Variants in ZNF407 observed in about 807,000 individuals in gnomAD.
ZNF407 encodes zinc finger protein 407.
ZNF407 carries 17 observed loss-of-function variants against 131.2 expected under a neutral mutation model. That is an observed-to-expected ratio of 0.13 (90% CI 0.09 to 0.19). ZNF407 has a LOEUF of 0.19. ZNF407 is among the 10% of genes least tolerant of loss of function. The pLI, the probability that ZNF407 is intolerant of heterozygous loss-of-function variation, is 1.00. For missense variants in ZNF407, 2,681 were observed against 2,830.6 expected, an observed-to-expected ratio of 0.95 and a Z score of 1.20; for synonymous variants, 1,156 against 1,062.0, an observed-to-expected ratio of 1.09 and a Z score of -1.72.
chr18:74,974,619 A>C (rs1199362852), intron 8 of ZNF407, among the ~76,000 whole-genome samples: 1 of 152,200 alleles, frequency 6.6e-6, no homozygotes, highest in African/African-American at 2.4e-5. Context: ...CATAGTGAAA[A>C]CTACCAATGA....
At chr18:74,618,541 G>A (rs1339810664) in intron 1 of ZNF407, among the ~76,000 whole-genome samples, 1 of 152,092 alleles carries the variant, frequency 6.6e-6, no homozygotes, top group African/African-American at 2.4e-5. Flanking sequence ...TTTAGTCTGA[G>A]GGCCTCAATC....
intron 1 of ZNF407, among the ~76,000 whole-genome samples, chr18:74,628,714 T>A (rs2144654826): frequency 6.6e-6 from 1 of 152,246 alleles, no homozygotes; most frequent in South Asian, 2.1e-4. Flanking sequence ...GCTCCGGAGT[T>A]AGGACCACAG....
intron 8 of ZNF407, among the ~76,000 whole-genome samples, chr18:74,993,877 A>G (rs1037766615): frequency 6.6e-6 from 1 of 152,204 alleles, no homozygotes; most frequent in East Asian, 1.9e-4. Context: ...TCATTTAGGA[A>G]CATTCTTCTA....
At chr18:74,688,838 C>CT (rs1967155042) in intron 3 of ZNF407, among the ~76,000 whole-genome samples, 1 of 151,790 alleles carries the variant, frequency 6.6e-6, no homozygotes, top group African/African-American at 2.4e-5. Flanking sequence ...GTATATCTTT[C>CT]TTTTTTTTCA....
intron 2 of ZNF407, among the ~76,000 whole-genome samples, chr18:74,637,335 T>C (rs971621883): frequency 3.3e-5 from 5 of 152,214 alleles, no homozygotes; most frequent in Non-Finnish European, 7.3e-5. Flanking sequence ...CCAGGTTAAG[T>C]GCAGAATGTA....
intron 3 of ZNF407, among the ~76,000 whole-genome samples, chr18:74,642,193 A>G (rs1454178249): frequency 1.3e-5 from 2 of 152,124 alleles, no homozygotes; most frequent in Admixed American, 1.3e-4. Context: ...TTTATGAACC[A>G]TGGTCTGTGG....
intron 3 of ZNF407, among the ~76,000 whole-genome samples, chr18:74,682,666 A>AT (rs1239314835): frequency 1.3e-5 from 2 of 152,066 alleles, no homozygotes; most frequent in Non-Finnish European, 2.9e-5. Context: ...CGGTTTTCTT[A>AT]TTTGATGTAA....
intron 8 of ZNF407, among the ~76,000 whole-genome samples, chr18:74,957,347 C>T (rs1972287911): frequency 6.6e-6 from 1 of 152,158 alleles, no homozygotes; most frequent in African/African-American, 2.4e-5. Context: ...GCAGATGCTT[C>T]ACTCGCGGCC....
At chr18:74,705,120 A>G (rs1025464834) in intron 3 of ZNF407, among the ~76,000 whole-genome samples, 9 of 151,056 alleles carry the variant, frequency 6.0e-5, no homozygotes, top group Non-Finnish European at 1.2e-4. Context: ...TGATAAATAT[A>G]GACATGGTGT....
intron 4 of ZNF407, among the ~76,000 whole-genome samples, chr18:74,851,547 G>T (rs144337684): frequency 1.5e-4 from 23 of 152,232 alleles, no homozygotes; most frequent in African/African-American, 4.8e-4. Context: ...GAGGCTGTGC[G>T]TGAGGTGTGG....
At chr18:74,939,891 T>G (rs2930549) in intron 8 of ZNF407, among the ~76,000 whole-genome samples, 6,443 of 152,310 alleles carry the variant, frequency 0.042, 471 homozygotes, top group African/African-American at 0.14. Flanking sequence ...AACCCAATTT[T>G]GAACCAATTC....
chr18:74,945,166 T>C (rs1321986242), intron 8 of ZNF407, among the ~76,000 whole-genome samples: 2 of 152,194 alleles, frequency 1.3e-5, no homozygotes, highest in Non-Finnish European at 2.9e-5. Context: ...TTTAAGACCC[T>C]GGACTTGTAA....
At chr18:74,904,031 T>G (rs908619217) in intron 7 of ZNF407, among the ~76,000 whole-genome samples, 2 of 152,196 alleles carry the variant, frequency 1.3e-5, no homozygotes, top group African/African-American at 4.8e-5. Context: ...TGTACTGATA[T>G]ATGCCAGACT....
At position 74,769,691 on chromosome 18, in the gene ZNF407, T is replaced by C. The variant is rs71359057; in HGVS notation, c.4803-11737T>C. On this transcript the variant is annotated intron_variant, in intron 3 of 8. Transcript: ENST00000299687. ...CAAGGCCATGTTGGCCTAGACTAGATGCAGGTTTTTGCATGTGGGATGCAA... is the reference window on the plus strand; with the variant it reads ...CAAGGCCATGTTGGCCTAGACTAGACGCAGGTTTTTGCATGTGGGATGCAA... Among the ~76,000 whole-genome samples, 519 of 152,354 alleles carry C rather than the reference T, an allele frequency of 3.4e-3. 2 individuals are homozygous for C. The highest frequency in any genetic ancestry group is 0.01 in the Middle Eastern group (3 of 294).
chr18:75,046,261 A>G (rs1973434310), intron 8 of ZNF407, among the ~76,000 whole-genome samples: 1 of 152,142 alleles, frequency 6.6e-6, no homozygotes, highest in Non-Finnish European at 1.5e-5. Context: ...CATGTTTCCT[A>G]TAGACTAAGC....
chr18:74,729,612 G>A (rs962809133), intron 3 of ZNF407, among the ~76,000 whole-genome samples: 2 of 152,014 alleles, frequency 1.3e-5, no homozygotes, highest in East Asian at 1.9e-4. Flanking sequence ...GTGTTCTGTA[G>A]GGTAGAACAT....
At chr18:74,604,988 A>C (rs1239646711) in intron 1 of ZNF407, among the ~76,000 whole-genome samples, 2 of 152,206 alleles carry the variant, frequency 1.3e-5, no homozygotes, top group Non-Finnish European at 2.9e-5. Flanking sequence ...CATAGTTGAC[A>C]TTCTTACCCT....
At chr18:74,813,716 C>T (rs1473544762) in intron 4 of ZNF407, among the ~76,000 whole-genome samples, 3 of 152,130 alleles carry the variant, frequency 2.0e-5, no homozygotes, top group African/African-American at 7.2e-5. Context: ...CCCCTTTGTC[C>T]GCCTCCTCCT....
At position 74,633,497 on chromosome 18, in the gene ZNF407, T is replaced by C; in HGVS notation, c.2478T>C (p.Gly826=). ...CTGAGGAACTGTCACAGTCTGGTGG[T>C]AGCACCAAAGATGATGAATTAGCTT... ...LASEELSQSG[G]STKDDELAST... is the part of the protein sequence containing the mutation. Residue 826 remains glycine, a synonymous_variant, in exon 2 of 9, where the codon GGT becomes GGC. Coordinates refer to ENST00000299687, the MANE Select transcript of ZNF407 (RefSeq NM_017757.3). 1 of 1,613,938 alleles carries C rather than the reference T, an allele frequency of 6.2e-7. No homozygotes were observed. Among genetic ancestry groups the C allele is most frequent in the Non-Finnish European group, 8.5e-7 (1 of 1,179,872 alleles).
Sources: allele counts gnomAD v4.1 joint callset (sites outside exome capture counted in the v4.1 genomes callset), GRCh38; gene constraint gnomAD v4.1.1; transcripts MANE v1.5; gene names NCBI Gene and HGNC (gene_info 2026-07-23, HGNC 2026-07-21).